CLTCL1: variants seen among roughly 807,000 people sequenced by gnomAD.
CLTCL1 encodes the protein clathrin heavy chain 2.
A neutral mutation model predicts 190.0 loss-of-function variants in CLTCL1; 159 were observed. The ratio of observed to expected loss-of-function variants is 0.84; its 90% CI spans 0.74 to 0.95. The LOEUF is 0.95. Ranked by LOEUF, CLTCL1 falls within the 40% of genes least tolerant of loss-of-function variation. The pLI is 0.00. For missense variants in CLTCL1, 1,878 were observed against 2,033.4 expected, an observed-to-expected ratio of 0.92 and a Z score of 1.47; for synonymous variants, 752 against 769.6, an observed-to-expected ratio of 0.98 and a Z score of 0.38.
chr22:19,197,370 A>G (rs563696934), intron 24 of CLTCL1, among the ~76,000 whole-genome samples: 5 of 151,834 alleles, frequency 3.3e-5, no homozygotes, highest in Non-Finnish European at 5.9e-5. Context: ...GCACCCCCCA[A>G]TCAGCTACAG....
At chr22:19,194,739 C>T (rs1172570724) in intron 26 of CLTCL1, among the ~76,000 whole-genome samples, 2 of 152,226 alleles carry the variant, frequency 1.3e-5, no homozygotes, top group East Asian at 1.9e-4. Flanking sequence ...GGGTGCCCCC[C>T]GTGTGAGTTA....
intron 30 of CLTCL1, chr22:19,181,624 G>A (rs1214196816): frequency 6.6e-6 from 1 of 152,390 alleles, no homozygotes; most frequent in Non-Finnish European, 1.5e-5. Context: ...CTTCCCAGAT[G>A]AGCCACGAGG....
At chr22:19,257,592 T>C (rs782530989) in intron 2 of CLTCL1, 2 of 392,102 alleles carry the variant, frequency 5.1e-6, no homozygotes, top group Non-Finnish European at 9.9e-6. Context: ...GCCGCCCAGC[T>C]ACAGTACCCG....
At chr22:19,211,786 A>AAC (rs797026768) in intron 19 of CLTCL1, among the ~76,000 whole-genome samples, 62 of 151,322 alleles carry the variant, frequency 4.1e-4, no homozygotes, top group African/African-American at 1.5e-3. Flanking sequence ...AAAAAAAACA[A>AAC]AAACAAAACT....
chr22:19,199,682 G>T, intron 24 of CLTCL1, 52 bp downstream of exon 24: 1 of 1,384,422 alleles, frequency 7.2e-7, no homozygotes, highest in Non-Finnish European at 1.0e-6. Flanking sequence ...TCTCTGTGGA[G>T]TGTTTAGGCA....
intron 21 of CLTCL1, 134 bp from the exon 22 acceptor site, chr22:19,208,445 A>G: frequency 9.7e-7 from 1 of 1,029,622 alleles, no homozygotes; most frequent in African/African-American, 1.6e-5. Context: ...GACTCCAGAT[A>G]ACGTCTAGGA....
chr22:19,262,975 G>A (rs949878023), intron 2 of CLTCL1, among the ~76,000 whole-genome samples: 2 of 149,436 alleles, frequency 1.3e-5, no homozygotes, highest in African/African-American at 2.5e-5. Context: ...AAGTTGCAGA[G>A]AGTTGAGATA....
At chr22:19,211,076 T>G (rs971421759) in intron 19 of CLTCL1, among the ~76,000 whole-genome samples, 1 of 96,960 alleles carries the variant, frequency 1.0e-5, no homozygotes, top group Non-Finnish European at 1.9e-5. Context: ...TTATAATAGA[T>G]GCATTCTTGC....
chr22:19,278,371 G>C (rs1459575639), intron 1 of CLTCL1, among the ~76,000 whole-genome samples: 1 of 152,118 alleles, frequency 6.6e-6, no homozygotes, highest in Non-Finnish European at 1.5e-5. Flanking sequence ...GAAGCACCAA[G>C]AGAGACCGTG....
chr22:19,277,609 G>C (rs540424819), intron 1 of CLTCL1, among the ~76,000 whole-genome samples: 15 of 152,242 alleles, frequency 9.9e-5, no homozygotes, highest in African/African-American at 2.9e-4. Flanking sequence ...ATTATTACAA[G>C]AAAGTCCCTT....
In CLTCL1 at chr22:19,183,480, TG is replaced by T; in HGVS notation, c.4736del (p.Pro1579GlnfsTer24). The T allele has an allele frequency of 6.2e-7, 1 of 1,613,746 alleles. No homozygotes were observed. Among genetic ancestry groups the T allele is most frequent in the Non-Finnish European group, 8.5e-7 (1 of 1,179,886 alleles). On this transcript the variant is annotated frameshift_variant, in exon 30 of 33. Transcript: ENST00000427926. LOFTEE classifies it high-confidence loss of function. ...TCCAGGCCAGCTCAAGCACCATGTC[TG>T]GGCGAAGCAGGTCATAGCAGGTGAA... ...CLFTCYDLLR[P>X]DMVLELAWRH...
At position 19,229,707 on chromosome 22, in the gene CLTCL1, T is replaced by C. The variant is rs1349076902; in HGVS notation, c.1782+131A>G. Reference sequence around the variant, plus strand: ...CTTTTAAGGAAAGTCATGGAGAATGTCCACTGAGAAGTACAAGATAAACAT... The same window carrying C: ...CTTTTAAGGAAAGTCATGGAGAATGCCCACTGAGAAGTACAAGATAAACAT... On this transcript the variant is annotated intron_variant, in intron 11 of 32. Coordinates refer to ENST00000427926, the MANE Select transcript of CLTCL1 (RefSeq NM_007098.4). 3 of 776,656 alleles carry C rather than the reference T, an allele frequency of 3.9e-6. No homozygotes were observed. In the East Asian group the frequency reaches 9.9e-5, roughly 26 times the overall value. 48.1% of individuals were successfully genotyped at this position (776,656 alleles called of 1,614,324 possible). A position where few individuals can be genotyped will look rare whatever the true frequency, so the allele number is the denominator to read the frequency against.
intron 3 of CLTCL1, among the ~76,000 whole-genome samples, chr22:19,249,461 T>C (rs908529482): frequency 2.0e-5 from 3 of 152,188 alleles, no homozygotes; most frequent in Non-Finnish European, 4.4e-5. Context: ...AATATGTTCA[T>C]AACTTATTAG....
chr22:19,283,705 A>G (rs1169670296), intron 1 of CLTCL1, among the ~76,000 whole-genome samples: 5 of 150,728 alleles, frequency 3.3e-5, no homozygotes, highest in East Asian at 4.0e-4. Flanking sequence ...AAATCTGACA[A>G]TGGGGGCCAG....
chr22:19,245,481 C>T (rs2086391585), intron 3 of CLTCL1, among the ~76,000 whole-genome samples: 1 of 152,112 alleles, frequency 6.6e-6, no homozygotes, highest in Admixed American at 6.5e-5. Flanking sequence ...CGTAAGCCAC[C>T]ACACCTGGCT....
At position 19,208,239 on chromosome 22, in the gene CLTCL1, T is replaced by G. The variant is rs1334430365; in HGVS notation, c.3515A>C (p.Glu1172Ala). ...KKGRESYIET[E>A]LIFALAKTSR... is the part of the protein sequence containing the mutation. ...GGTTTTAGCCAAGGCAAAAATAAGT[T>G]CAGTCTCTATATAGGACTCACGGCC... Residue 1172 changes from glutamate (E) to alanine (A), a missense_variant, in exon 22 of 33, where the codon GAA becomes GCA. Glu to Ala is a moderately radical substitution (Grantham distance 107). Transcript: ENST00000427926. 5 of 1,613,810 alleles carry G rather than the reference T, an allele frequency of 3.1e-6. No individual in the cohort carries two copies. The Middle Eastern group carries it at 5.0e-4, about 160-fold the overall frequency.
intron 26 of CLTCL1, 24 bp from the exon 27 acceptor site, chr22:19,191,459 C>G: frequency 1.2e-6 from 2 of 1,610,318 alleles, no homozygotes; most frequent in Non-Finnish European, 1.7e-6. Context: ...AGCTGAGGGT[C>G]AGTCCCTGCC....
Position 19,234,551 on chromosome 22 carries a change from G to T in CLTCL1, c.1125C>A (p.Gly375=). The change falls in exon 7 of 33, where the codon GGC becomes GGA. Residue 375 remains glycine (G), a synonymous_variant. Coordinates refer to ENST00000427926, the MANE Select transcript of CLTCL1 (RefSeq NM_007098.4). ...CAACTTTGGCGGCTTCAGCATAGCT[G>T]CCCTGTGCAAAGAGGGTATTGAATT... The part of the protein sequence containing the change: ...VRKFNTLFAQ[G]SYAEAAKVAA... 1 of 1,613,950 alleles carries T rather than the reference G, an allele frequency of 6.2e-7. No homozygotes were observed. The highest frequency in any genetic ancestry group is 8.5e-7 in the Non-Finnish European group (1 of 1,179,864).
At chr22:19,230,885 C>T (rs1279009274) in intron 10 of CLTCL1, among the ~76,000 whole-genome samples, 1 of 152,156 alleles carries the variant, frequency 6.6e-6, no homozygotes, top group Non-Finnish European at 1.5e-5. Context: ...GATCCACTCT[C>T]AATGTCGGGG....
Sources: gnomAD v4.1 joint callset for allele counts (sites outside exome capture counted in the v4.1 genomes callset) on GRCh38, gnomAD v4.1.1 for gene constraint, MANE v1.5 for transcripts, NCBI Gene and HGNC (gene_info 2026-07-23, HGNC 2026-07-21) for gene names.